The following CACNB2 variants were observed in gnomAD, a reference collection of about 807,000 sequenced individuals.
CACNB2 encodes calcium voltage-gated channel auxiliary subunit beta 2.
In CACNB2, 42 loss-of-function variants were observed where a neutral mutation model predicts 73.3. That is an observed-to-expected ratio of 0.57 (90% CI 0.45 to 0.74). CACNB2 has a LOEUF of 0.74. Among genes scored for constraint, CACNB2 ranks in the 30% least tolerant of loss-of-function variants. The pLI, the probability that CACNB2 is intolerant of heterozygous loss-of-function variation, is 0.00. For synonymous variants in CACNB2, 348 were observed against 310.3 expected, an observed-to-expected ratio of 1.12 and a Z score of -1.28; for missense variants, 940 against 853.0, an observed-to-expected ratio of 1.10 and a Z score of -1.27.
At position 18,441,405 on chromosome 10, in the gene CACNB2, A is replaced by G. The variant is rs191904589; in HGVS notation, c.333+39362A>G. Among the ~76,000 whole-genome samples the G allele has an allele frequency of 3.2e-3, 489 of 152,314 alleles. 3 individuals carry two copies. Among genetic ancestry groups the G allele is most frequent in the African/African-American group, 0.011 (475 of 41,572 alleles). ...GCCGACAGAGCAAGATTCCATCTCAAAAAAATAAATAACCATCCAAAAACT... is the reference window on the plus strand; with the variant it reads ...GCCGACAGAGCAAGATTCCATCTCAGAAAAATAAATAACCATCCAAAAACT... On this transcript the variant is annotated intron_variant, in intron 3 of 13. Transcript: ENST00000324631.
chr10:18,255,367 C>A (rs1168162357), intron 2 of CACNB2, among the ~76,000 whole-genome samples: 1 of 152,146 alleles, frequency 6.6e-6, no homozygotes, highest in Non-Finnish European at 1.5e-5. Context: ...GTAGCAGTGC[C>A]CCAGAGACAC....
At chr10:18,502,200 G>A (rs1216417298) in intron 5 of CACNB2, among the ~76,000 whole-genome samples, 2 of 151,990 alleles carry the variant, frequency 1.3e-5, no homozygotes, top group Admixed American at 1.3e-4. Flanking sequence ...CTAGCTACTC[G>A]GGAGGCTGAG....
At chr10:18,145,176 T>G (rs1288311664) in intron 1 of CACNB2, among the ~76,000 whole-genome samples, 1 of 152,250 alleles carries the variant, frequency 6.6e-6, no homozygotes, top group Non-Finnish European at 1.5e-5. Flanking sequence ...GTTGTGGTAA[T>G]ACAGCCTGGT....
At chr10:18,370,517 C>T (rs1315473108) in intron 2 of CACNB2, among the ~76,000 whole-genome samples, 1 of 152,190 alleles carries the variant, frequency 6.6e-6, no homozygotes, top group African/African-American at 2.4e-5. Context: ...CCAGGCTGGT[C>T]TCGAACTCCT....
intron 2 of CACNB2, among the ~76,000 whole-genome samples, chr10:18,371,620 G>T (rs1485101648): frequency 3.3e-5 from 5 of 152,246 alleles, no homozygotes; most frequent in East Asian, 1.9e-4. Context: ...CATTTGGGTT[G>T]GTTCCAAGTC....
chr10:18,250,774 C>G (rs2131551792), intron 2 of CACNB2, among the ~76,000 whole-genome samples: 1 of 152,312 alleles, frequency 6.6e-6, no homozygotes, highest in East Asian at 1.9e-4. Context: ...CTTTCTTAAG[C>G]CCTCATCCAG....
In CACNB2 at chr10:18,175,243, T is replaced by C. The variant is rs185517336; in HGVS notation, c.213+24268T>C. 1.2e-3 allele frequency among the ~76,000 whole-genome samples: 180 copies of C among 152,316 alleles called. 1 individual carries two copies. The Middle Eastern group carries it at 0.02, about 17-fold the overall frequency. Reference sequence around the variant, plus strand: ...TTTACAGCAACAGATAGTCATTGCGTCTTTCGTTGTCCACACTGGTACCAG... The same window carrying C: ...TTTACAGCAACAGATAGTCATTGCGCCTTTCGTTGTCCACACTGGTACCAG... On this transcript the variant is annotated intron_variant, in intron 2 of 13. Transcript: ENST00000324631.
chr10:18,212,425 T>C (rs770618278), intron 2 of CACNB2, among the ~76,000 whole-genome samples: 17 of 152,322 alleles, frequency 1.1e-4, no homozygotes, highest in Non-Finnish European at 2.1e-4. Flanking sequence ...TAATCCTTTG[T>C]CAGTTTTATG....
intron 2 of CACNB2, among the ~76,000 whole-genome samples, chr10:18,310,208 C>T (rs1972396): frequency 0.97 from 148,262 of 152,330 alleles, 72,182 homozygotes; most frequent in African/African-American, 0.99. Flanking sequence ...GATTGGGTTT[C>T]GTAGTTCTTA....
intron 9 of CACNB2, chr10:18,519,989 C>A (rs1589654672): frequency 3.2e-6 from 1 of 309,322 alleles, no homozygotes; most frequent in South Asian, 2.8e-5. Flanking sequence ...ACACTGACTG[C>A]TCCTTTGTCT....
intron 2 of CACNB2, among the ~76,000 whole-genome samples, chr10:18,385,372 C>A (rs1000863727): frequency 1.7e-4 from 23 of 133,032 alleles, no homozygotes; most frequent in South Asian, 2.5e-4. Context: ...ATACCCCCCC[C>A]CCTCGCCCCC....
intron 2 of CACNB2, among the ~76,000 whole-genome samples, chr10:18,273,206 C>T (rs1295527586): frequency 6.6e-6 from 1 of 151,984 alleles, no homozygotes; most frequent in Non-Finnish European, 1.5e-5. Flanking sequence ...TCAAGTGTCT[C>T]AAGGTTCAAG....
chr10:18,452,693 C>T (rs1415935445), intron 3 of CACNB2, among the ~76,000 whole-genome samples: 1 of 152,172 alleles, frequency 6.6e-6, no homozygotes, highest in Non-Finnish European at 1.5e-5. Context: ...TACAGGTGCA[C>T]ACCAACACAC....
At chr10:18,222,913 G>A (rs1564356663) in intron 2 of CACNB2, among the ~76,000 whole-genome samples, 1 of 152,134 alleles carries the variant, frequency 6.6e-6, no homozygotes, top group Admixed American at 6.6e-5. Flanking sequence ...CTCCAGCCTG[G>A]GCGACAGAGT....
chr10:18,282,772 A>C (rs749969974), intron 2 of CACNB2, among the ~76,000 whole-genome samples: 3 of 152,158 alleles, frequency 2.0e-5, no homozygotes, highest in Non-Finnish European at 4.4e-5. Context: ...ACTGCTGATA[A>C]AGACAGTCCC....
At chr10:18,385,643 C>A (rs1274212042) in intron 2 of CACNB2, among the ~76,000 whole-genome samples, 487 of 101,794 alleles carry the variant, frequency 4.8e-3, no homozygotes, top group East Asian at 6.2e-3. Context: ...AACTCCATCT[C>A]AAAAAAAAAA....
intron 2 of CACNB2, among the ~76,000 whole-genome samples, chr10:18,325,522 C>CTCTT (rs142852039): frequency 0.027 from 4,163 of 151,886 alleles, 87 homozygotes; most frequent in South Asian, 0.045. Flanking sequence ...GTCTTTCTTT[C>CTCTT]TCTTTCTTTC....
chr10:18,235,950 T>G (rs374686681), intron 2 of CACNB2, among the ~76,000 whole-genome samples: 67 of 152,230 alleles, frequency 4.4e-4, no homozygotes, highest in African/African-American at 1.4e-3. Flanking sequence ...ACCTGGTTGT[T>G]TAAAAGTGAG....
intron 2 of CACNB2, among the ~76,000 whole-genome samples, chr10:18,293,658 C>T (rs2039159361): frequency 6.6e-6 from 1 of 152,206 alleles, no homozygotes; most frequent in Non-Finnish European, 1.5e-5. Context: ...AGAGAGTCAG[C>T]ATAGTTTCAT....
Sources: allele counts gnomAD v4.1 joint callset (sites outside exome capture counted in the v4.1 genomes callset), GRCh38; gene constraint gnomAD v4.1.1; transcripts MANE v1.5; gene names NCBI Gene and HGNC (gene_info 2026-07-23, HGNC 2026-07-21).